ATP1A1: variants seen among roughly 807,000 people sequenced by gnomAD.
ATP1A1 encodes the protein sodium/potassium-transporting ATPase subunit alpha-1.
In ATP1A1, 14 loss-of-function variants were observed where a neutral mutation model predicts 114.8. The ratio of observed to expected loss-of-function variants is 0.12; its 90% CI spans 0.08 to 0.19. The LOEUF (loss-of-function observed/expected upper bound fraction) is 0.19, where lower values mean the gene tolerates loss of function less well. Among genes scored for constraint, ATP1A1 ranks in the 10% least tolerant of loss-of-function variants. ATP1A1 has a pLI of 1.00. For missense variants in ATP1A1, 524 were observed against 1,290.7 expected (o/e 0.41, Z 9.10); for synonymous variants, 471 against 466.3 (o/e 1.01, Z -0.13).
In ATP1A1 at chr1:116,398,543, A is replaced by C. The variant is rs572446030; in HGVS notation, c.2125-78A>C. On this transcript the variant is annotated intron_variant, in intron 15 of 22. Transcript: ENST00000295598. This position sits in a 1 kb window ranked among gnomAD's most constrained non-coding sequence, Gnocchi z 6.1. ...GGAGCAGTGTCTGTAATGAGTGCTC[A>C]GTGGGGGCATGCATCGCACTATTTC... 1.6e-4 allele frequency: 239 copies of C among 1,516,508 alleles called. No homozygotes were observed. The African/African-American group carries it at 2.8e-3, about 18-fold the overall frequency. 93.9% of individuals were successfully genotyped at this position (1,516,508 alleles called of 1,614,324 possible). A position where few individuals can be genotyped will look rare whatever the true frequency, so the allele number is the denominator to read the frequency against.
intron 1 of ATP1A1, among the ~76,000 whole-genome samples, chr1:116,379,202 G>A (rs553723802): frequency 2.0e-5 from 3 of 152,308 alleles, no homozygotes; most frequent in African/African-American, 4.8e-5. Flanking sequence ...TAGAACTGTC[G>A]CTGTTCTTTG....
rs781780318 is a variant in ATP1A1, at chr1:116,398,705, G to A, written c.2209G>A (p.Ala737Thr). 3 of 1,614,172 alleles carry A rather than the reference G, an allele frequency of 1.9e-6. No individual in the cohort carries two copies. The highest frequency in any genetic ancestry group is 2.5e-6 in the Non-Finnish European group (3 of 1,180,024). The stretch of plus-strand genomic sequence containing the variant: ...AGACATTGGGGTTGCTATGGGGATT[G>A]CTGGCTCAGATGTGTCCAAGCAAGC... The part of the protein sequence containing the change: ...KADIGVAMGI[A>T]GSDVSKQAAD... Residue 737 changes from alanine to threonine, a missense_variant, in exon 16 of 23, where the codon GCT becomes ACT. By Grantham distance (58) the Ala-to-Thr change is moderately conservative (BLOSUM62 0). Coordinates refer to ENST00000295598, the MANE Select transcript of ATP1A1 (RefSeq NM_000701.8). This position sits in a 1 kb window ranked among gnomAD's most constrained non-coding sequence, Gnocchi z 6.1.
Position 116,393,730 on chromosome 1 carries a change from AG to A in ATP1A1, c.1660+8del. 1 of 1,611,308 alleles carries A rather than the reference AG, an allele frequency of 6.2e-7. No individual in the cohort carries two copies. Among genetic ancestry groups the A allele is most frequent in the Admixed American group, 1.7e-5 (1 of 59,872 alleles). On this transcript the variant is annotated splice_region_variant and intron_variant, in intron 12 of 22. Coordinates refer to ENST00000295598, the MANE Select transcript of ATP1A1 (RefSeq NM_000701.8). The surrounding 1 kb of genome is among the most constrained non-coding windows in gnomAD (Gnocchi z 5.0). ...CTCGGAGAACGAGTCCTAGGTATGC[AG>A]ATAACCTGGTAACAGAGTGCCTGGG... is the stretch of plus-strand genomic sequence containing the variant.
chr1:116,400,659 G>A (rs937649693), intron 18 of ATP1A1, among the ~76,000 whole-genome samples: 2 of 152,170 alleles, frequency 1.3e-5, no homozygotes, highest in African/African-American at 4.8e-5. Context: ...AGGGCCCTGA[G>A]ATTGGAGTGT....
Position 116,401,720 on chromosome 1 carries a change from C to A in ATP1A1, c.2951+65C>A. On this transcript the variant is annotated intron_variant, in intron 21 of 22. Transcript: ENST00000295598. This position sits in a 1 kb window ranked among gnomAD's most constrained non-coding sequence, Gnocchi z 4.7. Reference sequence around the variant, plus strand: ...GTATGTGTGGCTTTTCCCCCCATTACTTGTGGTAATAGTTGTTATTTTCAG... The same window carrying A: ...GTATGTGTGGCTTTTCCCCCCATTAATTGTGGTAATAGTTGTTATTTTCAG... The A allele has an allele frequency of 6.7e-7, 1 of 1,487,224 alleles. No individual in the cohort carries two copies. The highest frequency in any genetic ancestry group is 9.3e-7 in the Non-Finnish European group (1 of 1,071,890). The allele number at this position is 1,487,224 out of a possible 1,614,324, so 92.1% of individuals were successfully genotyped here. A position where few individuals can be genotyped will look rare whatever the true frequency, so the allele number is the denominator to read the frequency against.
chr1:116,376,291 A>G (rs1651363497), intron 1 of ATP1A1, among the ~76,000 whole-genome samples: 1 of 152,098 alleles, frequency 6.6e-6, no homozygotes, highest in Non-Finnish European at 1.5e-5. Flanking sequence ...GGCAGGGGGG[A>G]TGCACATGTC....
chr1:116,396,364 G>A (rs574735980), intron 13 of ATP1A1, among the ~76,000 whole-genome samples: 1 of 144,364 alleles, frequency 6.9e-6, no homozygotes, highest in African/African-American at 2.6e-5. Context: ...CATTGTGTAT[G>A]CTAGTGATTG....
intron 1 of ATP1A1, chr1:116,373,731 G>A: frequency 9.3e-7 from 1 of 1,074,010 alleles, no homozygotes; most frequent in Non-Finnish European, 1.2e-6. Flanking sequence ...AGGGAGCGCC[G>A]AGGGGCTGGA....
rs1368470717 is a variant in ATP1A1 at position 116,404,009 on chromosome 1, G to A, written c.3043+34G>A. ...GGGCATTCTGACTTTGGTTGGAGGAGGAGTGGGAGGGGCTATAGTTCTATT... is the reference window on the plus strand; with the variant it reads ...GGGCATTCTGACTTTGGTTGGAGGAAGAGTGGGAGGGGCTATAGTTCTATT... On this transcript the variant is annotated intron_variant, in intron 22 of 22. Transcript: ENST00000295598. The surrounding 1 kb of genome is among the most constrained non-coding windows in gnomAD (Gnocchi z 4.8). The A allele has an allele frequency of 6.3e-7, 1 of 1,587,100 alleles. No individual in the cohort carries two copies. The highest frequency in any genetic ancestry group is 8.6e-7 in the Non-Finnish European group (1 of 1,156,544).
rs1652283792 is a variant in ATP1A1, at chr1:116,389,160, T to C, written c.754+141T>C. ...CAAGCACAGAGCAGAGGTGTTTTCCTAGCTGGCAGGAAACCTTGTGGCAGT... is the reference window on the plus strand; with the variant it reads ...CAAGCACAGAGCAGAGGTGTTTTCCCAGCTGGCAGGAAACCTTGTGGCAGT... On this transcript the variant is annotated intron_variant, in intron 7 of 22. Transcript: ENST00000295598. The surrounding 1 kb of genome is among the most constrained non-coding windows in gnomAD (Gnocchi z 6.9). The C allele has an allele frequency of 1.0e-6, 1 of 954,304 alleles. No individual in the cohort carries two copies. Among genetic ancestry groups the C allele is most frequent in the East Asian group, 2.4e-5 (1 of 41,662 alleles). 59.1% of individuals were successfully genotyped at this position (954,304 alleles called of 1,614,324 possible). A position where few individuals can be genotyped will look rare whatever the true frequency, so the allele number is the denominator to read the frequency against.
rs1214730535 is a variant in ATP1A1, at chr1:116,395,886, G to C, written c.1836+601G>C. 6.6e-6 allele frequency among the ~76,000 whole-genome samples: 1 copy of C among 152,106 alleles called. No individual in the cohort carries two copies. Among genetic ancestry groups the C allele is most frequent in the African/African-American group, 2.4e-5 (1 of 41,412 alleles). ...CCTGCCCCAGCCTCCCAAGTAGCTG[G>C]AATTACAGGCACCCGCTACCACGCC... On this transcript the variant is annotated intron_variant, in intron 13 of 22. Coordinates refer to ENST00000295598, the MANE Select transcript of ATP1A1 (RefSeq NM_000701.8). The surrounding 1 kb of genome is among the most constrained non-coding windows in gnomAD (Gnocchi z 6.4).
rs1334896530 is a variant in ATP1A1, at chr1:116,401,676, C to T, written c.2951+21C>T. 2 of 1,600,322 alleles carry T rather than the reference C, an allele frequency of 1.2e-6. No homozygotes were observed. The highest frequency in any genetic ancestry group is 1.7e-5 in the Admixed American group (1 of 59,576). On this transcript the variant is annotated intron_variant, in intron 21 of 22. Coordinates refer to ENST00000295598, the MANE Select transcript of ATP1A1 (RefSeq NM_000701.8). This position sits in a 1 kb window ranked among gnomAD's most constrained non-coding sequence, Gnocchi z 4.7. ...CTCAAGTAAGTTGATCCTCTGGTAG[C>T]TCCAAAAAGTATGAAATAGTATGTG...
chr1:116,384,199 A>G lies in ATP1A1; in HGVS notation c.123+75A>G, dbSNP rs1364959332. On this transcript the variant is annotated intron_variant, in intron 2 of 22. Transcript: ENST00000295598. The surrounding 1 kb of genome is among the most constrained non-coding windows in gnomAD (Gnocchi z 5.1). ...TTTTTAATCCCCCAGGCCTCACTGTATTCTTCAAAGAACTGCTATATATTA... is the reference window on the plus strand; with the variant it reads ...TTTTTAATCCCCCAGGCCTCACTGTGTTCTTCAAAGAACTGCTATATATTA... The G allele has an allele frequency of 2.4e-6, 3 of 1,232,562 alleles. No homozygotes were observed. The highest frequency in any genetic ancestry group is 3.5e-6 in the Non-Finnish European group (3 of 860,736). The allele number at this position is 1,232,562 out of a possible 1,614,324, so 76.4% of individuals were successfully genotyped here.
Position 116,403,993 on chromosome 1 carries a change from G to T in ATP1A1, c.3043+18G>T. 1 of 1,610,470 alleles carries T rather than the reference G, an allele frequency of 6.2e-7. No homozygotes were observed. The highest frequency in any genetic ancestry group is 1.1e-5 in the South Asian group (1 of 90,814). On this transcript the variant is annotated intron_variant, in intron 22 of 22. Transcript: ENST00000295598. ...CCCTGGCGGTAATTATGGGCATTCT[G>T]ACTTTGGTTGGAGGAGGAGTGGGAG... is the stretch of plus-strand genomic sequence containing the variant.
chr1:116,373,707 C>T (rs530829368), intron 1 of ATP1A1, among the ~76,000 whole-genome samples, 184 bp downstream of exon 1: 24 of 92,454 alleles, frequency 2.6e-4, no homozygotes, highest in Non-Finnish European at 3.1e-4. Flanking sequence ...AGCGCAGTAA[C>T]GGGGGGCGGG....
In ATP1A1 at chr1:116,398,844, A is replaced by G; in HGVS notation, c.2293+55A>G. On this transcript the variant is annotated intron_variant, in intron 16 of 22. Coordinates refer to ENST00000295598, the MANE Select transcript of ATP1A1 (RefSeq NM_000701.8). This position sits in a 1 kb window ranked among gnomAD's most constrained non-coding sequence, Gnocchi z 6.1. ...TCTTATTCAGATACTGCCCATTAGC[A>G]TCCATTTCTGTATACTTCTTGGATA... 6.2e-7 allele frequency: 1 copy of G among 1,609,854 alleles called. No homozygotes were observed. Among genetic ancestry groups the G allele is most frequent in the Non-Finnish European group, 8.5e-7 (1 of 1,176,628 alleles).
chr1:116,396,244 CT>C (rs915845835), intron 13 of ATP1A1, among the ~76,000 whole-genome samples: 1 of 144,358 alleles, frequency 6.9e-6, no homozygotes, highest in Non-Finnish European at 1.5e-5. Flanking sequence ...CATGTGGTGT[CT>C]TCACAGTCCC....
Position 116,401,805 on chromosome 1 carries a change from G to T in ATP1A1, c.2951+150G>T. On this transcript the variant is annotated intron_variant, in intron 21 of 22. Coordinates refer to ENST00000295598, the MANE Select transcript of ATP1A1 (RefSeq NM_000701.8). This position sits in a 1 kb window ranked among gnomAD's most constrained non-coding sequence, Gnocchi z 4.7. Reference sequence around the variant, plus strand: ...TTGGAAAACTGTGAAAGCTTGACATGTCAGTAAATCAGACTAACAAATCCT... The same window carrying T: ...TTGGAAAACTGTGAAAGCTTGACATTTCAGTAAATCAGACTAACAAATCCT... The T allele has an allele frequency of 1.4e-6, 1 of 715,368 alleles. No homozygotes were observed. Among genetic ancestry groups the T allele is most frequent in the Non-Finnish European group, 2.4e-6 (1 of 423,378 alleles). The allele number at this position is 715,368 out of a possible 1,614,324, so 44.3% of individuals were successfully genotyped here. A position where few individuals can be genotyped will look rare whatever the true frequency, so the allele number is the denominator to read the frequency against.
In ATP1A1 at chr1:116,395,354, C is replaced by T; in HGVS notation, c.1836+69C>T. Reference sequence around the variant, plus strand: ...GGACACCCTACTCAGTGAATGTTGCCTTTTGAGGTCCAGATGGCCAGCTGT... The same window carrying T: ...GGACACCCTACTCAGTGAATGTTGCTTTTTGAGGTCCAGATGGCCAGCTGT... On this transcript the variant is annotated intron_variant, in intron 13 of 22. Coordinates refer to ENST00000295598, the MANE Select transcript of ATP1A1 (RefSeq NM_000701.8). The surrounding 1 kb of genome is among the most constrained non-coding windows in gnomAD (Gnocchi z 6.4). 6.5e-7 allele frequency: 1 copy of T among 1,536,338 alleles called. No homozygotes were observed. The highest frequency in any genetic ancestry group is 8.8e-7 in the Non-Finnish European group (1 of 1,136,204).
Sources: gnomAD v4.1 joint callset for allele counts (sites outside exome capture counted in the v4.1 genomes callset) on GRCh38, gnomAD v4.1.1 for gene constraint, Gnocchi (gnomAD v3.1) non-coding constraint, MANE v1.5 for transcripts, NCBI Gene and HGNC (gene_info 2026-07-23, HGNC 2026-07-21) for gene names.